SEMA3E: variants seen among roughly 807,000 people sequenced by gnomAD.
SEMA3E encodes semaphorin 3E.
Under a neutral mutation model 93.6 loss-of-function variants are expected in SEMA3E, and 49 were observed. The ratio of observed to expected loss-of-function variants is 0.52; its 90% CI spans 0.42 to 0.66. The LOEUF is 0.66. SEMA3E is among the 30% of genes least tolerant of loss of function. The pLI is 0.00. For synonymous variants in SEMA3E, 363 were observed against 330.7 expected (o/e 1.10, Z -1.06); for missense variants, 906 against 964.8 (o/e 0.94, Z 0.81).
chr7:83,648,134 C>T (rs569135999), intron 1 of SEMA3E, among the ~76,000 whole-genome samples: 20 of 152,198 alleles, frequency 1.3e-4, no homozygotes, highest in African/African-American at 4.8e-4. Context: ...TTCCTCCCTT[C>T]CTGTGTTCCG....
At chr7:83,403,548 T>A (rs910555671) in intron 9 of SEMA3E, among the ~76,000 whole-genome samples, 1 of 152,002 alleles carries the variant, frequency 6.6e-6, no homozygotes, top group South Asian at 2.1e-4. Flanking sequence ...AAGATTTTTT[T>A]AAACATTCTT....
Position 83,418,035 on chromosome 7 carries a change from C to T in SEMA3E, c.550+355G>A, listed in dbSNP as rs3801504. ...CTCTAAAGTCACAAAATAATTGAAACATGAAGAATTAACACATATATTAAA... is the reference window on the plus strand; with the variant it reads ...CTCTAAAGTCACAAAATAATTGAAATATGAAGAATTAACACATATATTAAA... On this transcript the variant is annotated intron_variant, in intron 5 of 16. Coordinates refer to ENST00000643230, the MANE Select transcript of SEMA3E (RefSeq NM_012431.3). 4.9e-4 allele frequency among the ~76,000 whole-genome samples: 75 copies of T among 152,166 alleles called. No homozygotes were observed. The East Asian group carries it at 0.014, about 28-fold the overall frequency.
chr7:83,604,393 G>T (rs141612302), intron 1 of SEMA3E, among the ~76,000 whole-genome samples: 2,650 of 150,836 alleles, frequency 0.018, 32 homozygotes, highest in Non-Finnish European at 0.028. Flanking sequence ...ACAGTTTTTT[G>T]AATTTGGTTT....
chr7:83,551,628 T>C (rs1293199919), intron 1 of SEMA3E, among the ~76,000 whole-genome samples: 1 of 152,206 alleles, frequency 6.6e-6, no homozygotes, highest in Non-Finnish European at 1.5e-5. Context: ...TTATGATTTA[T>C]AGTATAATTT....
At chr7:83,548,591 G>T (rs1791698615) in intron 1 of SEMA3E, among the ~76,000 whole-genome samples, 1 of 151,862 alleles carries the variant, frequency 6.6e-6, no homozygotes, top group Non-Finnish European at 1.5e-5. Flanking sequence ...GGATCCTTTG[G>T]TCTTTGGTCC....
At chr7:83,443,518 T>C (rs1310656106) in intron 4 of SEMA3E, among the ~76,000 whole-genome samples, 1 of 152,192 alleles carries the variant, frequency 6.6e-6, no homozygotes, top group Admixed American at 6.5e-5. Flanking sequence ...ATAGATAGCC[T>C]ATGATTGATT....
intron 1 of SEMA3E, among the ~76,000 whole-genome samples, chr7:83,519,521 C>G (rs1791002480): frequency 6.6e-6 from 1 of 152,086 alleles, no homozygotes; most frequent in Non-Finnish European, 1.5e-5. Flanking sequence ...TTTATCATAT[C>G]TCTGTGTCTT....
At chr7:83,436,089 T>C (rs1458839761) in intron 4 of SEMA3E, among the ~76,000 whole-genome samples, 1 of 152,044 alleles carries the variant, frequency 6.6e-6, no homozygotes, top group Admixed American at 6.5e-5. Context: ...TTTGGTAATG[T>C]GAAACTTTCA....
intron 2 of SEMA3E, among the ~76,000 whole-genome samples, chr7:83,482,435 G>A (rs1300605994): frequency 1.3e-5 from 2 of 151,624 alleles, no homozygotes; most frequent in African/African-American, 4.9e-5. Context: ...GTGTGGTGGC[G>A]GGTGCCTGTA....
chr7:83,584,225 T>TA (rs1377526026), intron 1 of SEMA3E, among the ~76,000 whole-genome samples: 1 of 152,132 alleles, frequency 6.6e-6, no homozygotes, highest in Non-Finnish European at 1.5e-5. Flanking sequence ...CTCACAGCTA[T>TA]AATAATAAAC....
At chr7:83,602,968 A>G (rs1052606516) in intron 1 of SEMA3E, among the ~76,000 whole-genome samples, 2 of 152,212 alleles carry the variant, frequency 1.3e-5, no homozygotes, top group Non-Finnish European at 2.9e-5. Context: ...TATAGATAGC[A>G]TATAGTAAGT....
At position 83,483,023 on chromosome 7, in the gene SEMA3E, A is replaced by T. The variant is rs569863213; in HGVS notation, c.276+7091T>A. ...TGAAGAACTATATTTGCTCAGCTCA[A>T]AAAATTTAGAATGCTTTCTAAAGTG... On this transcript the variant is annotated intron_variant, in intron 2 of 16. Transcript: ENST00000643230. 1.7e-3 allele frequency among the ~76,000 whole-genome samples: 256 copies of T among 152,234 alleles called. 7 individuals carry two copies. The highest frequency in any genetic ancestry group is 0.015 in the Admixed American group (233 of 15,276).
At chr7:83,482,986 GA>G (rs1253586275) in intron 2 of SEMA3E, among the ~76,000 whole-genome samples, 2 of 152,134 alleles carry the variant, frequency 1.3e-5, no homozygotes, top group African/African-American at 4.8e-5. Context: ...GAAGGTAGAG[GA>G]GAGTAAGTCA....
At position 83,488,005 on chromosome 7, in the gene SEMA3E, G is replaced by A. The variant is rs186401810; in HGVS notation, c.276+2109C>T. ...ATGGGCAAGTGTTGGCACTTTGCAC[G>A]CTAGGAAAAGCGGAAATCTAACTGC... On this transcript the variant is annotated intron_variant, in intron 2 of 16. Coordinates refer to ENST00000643230, the MANE Select transcript of SEMA3E (RefSeq NM_012431.3). Among the ~76,000 whole-genome samples, 26 of 152,046 alleles carry A rather than the reference G, an allele frequency of 1.7e-4. No homozygotes were observed. The East Asian group carries it at 3.3e-3, about 19-fold the overall frequency.
chr7:83,614,863 G>C (rs1793331655), intron 1 of SEMA3E, among the ~76,000 whole-genome samples: 1 of 152,110 alleles, frequency 6.6e-6, no homozygotes, highest in Admixed American at 6.6e-5. Context: ...AAGGATGACA[G>C]GGATGTGCAA....
chr7:83,389,565 C>T, intron 14 of SEMA3E, among the ~76,000 whole-genome samples: 1 of 151,718 alleles, frequency 6.6e-6, no homozygotes, highest in East Asian at 1.9e-4. Context: ...TATAGTTGTC[C>T]TTTATTTCAG....
intron 1 of SEMA3E, among the ~76,000 whole-genome samples, chr7:83,629,433 G>GT (rs952273580): frequency 1.3e-5 from 2 of 152,152 alleles, no homozygotes; most frequent in Non-Finnish European, 2.9e-5. Flanking sequence ...GGAGATGGGA[G>GT]TTTTATCCAT....
At chr7:83,476,876 G>T (rs913459635) in intron 2 of SEMA3E, among the ~76,000 whole-genome samples, 1 of 152,072 alleles carries the variant, frequency 6.6e-6, no homozygotes, top group African/African-American at 2.4e-5. Flanking sequence ...AAAAGCAAAA[G>T]GTTAAATACA....
chr7:83,411,760 A>G (rs1348785252), intron 5 of SEMA3E, among the ~76,000 whole-genome samples: 4 of 152,162 alleles, frequency 2.6e-5, no homozygotes, highest in African/African-American at 9.6e-5. Flanking sequence ...ATGCAAAAAT[A>G]ACATCTAGAT....
Sources: allele counts gnomAD v4.1 joint callset (sites outside exome capture counted in the v4.1 genomes callset), GRCh38; gene constraint gnomAD v4.1.1; transcripts MANE v1.5; gene names NCBI Gene and HGNC (gene_info 2026-07-23, HGNC 2026-07-21).